TBC1D5: variants seen among roughly 807,000 people sequenced by gnomAD.
TBC1D5 encodes TBC1 domain family member 5, also known as TBC1 domain family, member 5.
Under a neutral mutation model 100.3 loss-of-function variants are expected in TBC1D5, and 75 were observed. The observed-to-expected ratio is 0.75, with a 90% CI of 0.62 to 0.91. The LOEUF (loss-of-function observed/expected upper bound fraction) is 0.91, where lower values mean the gene tolerates loss of function less well. Ranked by LOEUF, TBC1D5 falls within the 40% of genes least tolerant of loss-of-function variation. The probability of loss-of-function intolerance (pLI) is 0.00; values close to 1 mark genes in which losing one functional copy is unlikely to be tolerated. For missense variants in TBC1D5, 910 were observed against 942.4 expected (o/e 0.97, Z 0.45); for synonymous variants, 323 against 325.6 (o/e 0.99, Z 0.09).
At chr3:17,345,278 C>T (rs1370376578) in intron 13 of TBC1D5, among the ~76,000 whole-genome samples, 7 of 152,134 alleles carry the variant, frequency 4.6e-5, no homozygotes, top group South Asian at 2.1e-4. Context: ...CAGACACTTT[C>T]CAAAAGAAGA....
chr3:17,678,174 T>C (rs890629062), intron 1 of TBC1D5, among the ~76,000 whole-genome samples: 20 of 152,100 alleles, frequency 1.3e-4, no homozygotes, highest in African/African-American at 3.9e-4. Flanking sequence ...CACAAAAACA[T>C]TGATAAAAAT....
chr3:17,349,695 T>C (rs2090323373), intron 13 of TBC1D5, among the ~76,000 whole-genome samples: 2 of 152,168 alleles, frequency 1.3e-5, no homozygotes, highest in African/African-American at 4.8e-5. Context: ...AAAATTATTG[T>C]TTTGTCCTTT....
chr3:17,349,133 T>C (rs1379897785), intron 13 of TBC1D5, among the ~76,000 whole-genome samples: 4 of 152,226 alleles, frequency 2.6e-5, no homozygotes, highest in Non-Finnish European at 5.9e-5. Flanking sequence ...TGGGATTCTA[T>C]ACATACATGA....
chr3:17,330,705 G>T (rs1228349040), intron 13 of TBC1D5, among the ~76,000 whole-genome samples: 1 of 152,074 alleles, frequency 6.6e-6, no homozygotes, highest in Non-Finnish European at 1.5e-5. Flanking sequence ...CTTCAAATTA[G>T]ATATATTCCC....
intron 17 of TBC1D5, among the ~76,000 whole-genome samples, chr3:17,236,106 A>G (rs1449745877): frequency 6.6e-6 from 1 of 152,132 alleles, no homozygotes; most frequent in African/African-American, 2.4e-5. Flanking sequence ...TTCCATCTCC[A>G]TGCACTTCCT....
intron 13 of TBC1D5, among the ~76,000 whole-genome samples, chr3:17,315,995 G>C (rs1206839905): frequency 6.6e-6 from 1 of 152,144 alleles, no homozygotes; most frequent in Non-Finnish European, 1.5e-5. Context: ...GCAGAAAGTA[G>C]GGCAAAAATA....
chr3:17,692,974 A>G (rs910572723), intron 1 of TBC1D5, among the ~76,000 whole-genome samples: 1 of 152,242 alleles, frequency 6.6e-6, no homozygotes, highest in Non-Finnish European at 1.5e-5. Flanking sequence ...TACAAAAAAT[A>G]CAAACATTAC....
At chr3:17,455,046 G>A (rs1304866478) in intron 3 of TBC1D5, among the ~76,000 whole-genome samples, 3 of 150,556 alleles carry the variant, frequency 2.0e-5, no homozygotes, top group Non-Finnish European at 4.4e-5. Context: ...CAATGCATTC[G>A]CTATCAAAAT....
chr3:17,549,464 T>A (rs983359668), intron 2 of TBC1D5, among the ~76,000 whole-genome samples: 2 of 152,212 alleles, frequency 1.3e-5, no homozygotes, highest in Non-Finnish European at 2.9e-5. Context: ...GAGTCCTTGT[T>A]CATTTTAATG....
chr3:17,406,641 T>C, intron 4 of TBC1D5, 115 bp from the exon 5 acceptor site: 3 of 833,190 alleles, frequency 3.6e-6, no homozygotes, highest in East Asian at 5.3e-5. Context: ...TTTTAAAACA[T>C]ATATATTTAG....
At chr3:17,188,901 T>C (rs957951786) in intron 18 of TBC1D5, among the ~76,000 whole-genome samples, 1 of 152,268 alleles carries the variant, frequency 6.6e-6, no homozygotes, top group African/African-American at 2.4e-5. Flanking sequence ...TTAATTGTTA[T>C]GTGTAACTAA....
At chr3:17,686,926 G>C (rs2070370343) in intron 1 of TBC1D5, among the ~76,000 whole-genome samples, 1 of 151,998 alleles carries the variant, frequency 6.6e-6, no homozygotes, top group Non-Finnish European at 1.5e-5. Flanking sequence ...AGTGATGAGG[G>C]TAGGAAACCC....
intron 15 of TBC1D5, among the ~76,000 whole-genome samples, chr3:17,266,142 G>A (rs1559516772): frequency 6.6e-6 from 1 of 152,032 alleles, no homozygotes; most frequent in Admixed American, 6.6e-5. Flanking sequence ...ATTAAAGCTG[G>A]AAAAATTTGT....
chr3:17,365,528 T>G (rs988634910), intron 13 of TBC1D5, among the ~76,000 whole-genome samples: 1 of 152,200 alleles, frequency 6.6e-6, no homozygotes, highest in Admixed American at 6.5e-5. Flanking sequence ...ACAAGGAAAT[T>G]TAAGCCTTCA....
At chr3:17,593,888 C>T (rs540210780) in intron 2 of TBC1D5, among the ~76,000 whole-genome samples, 5 of 152,238 alleles carry the variant, frequency 3.3e-5, no homozygotes, top group Admixed American at 2.0e-4. Context: ...TGCTCTGAAT[C>T]GGCGTCTAAT....
chr3:17,358,175 T>G (rs1200957394), intron 13 of TBC1D5, among the ~76,000 whole-genome samples: 2 of 150,492 alleles, frequency 1.3e-5, no homozygotes, highest in Admixed American at 6.6e-5. Flanking sequence ...TCACTTTTTT[T>G]TTGTTTGTTT....
At chr3:17,314,805 C>T (rs1283656527) in intron 13 of TBC1D5, among the ~76,000 whole-genome samples, 1 of 152,200 alleles carries the variant, frequency 6.6e-6, no homozygotes, top group Non-Finnish European at 1.5e-5. Context: ...TAAAATGTTA[C>T]TCCATGAGGA....
intron 1 of TBC1D5, among the ~76,000 whole-genome samples, chr3:17,631,630 A>C (rs993815593): frequency 1.3e-5 from 2 of 152,222 alleles, no homozygotes; most frequent in African/African-American, 4.8e-5. Flanking sequence ...GTTAAGGTCT[A>C]ATGCAGCTGG....
chr3:17,297,189 G>GA (rs1164804368), intron 14 of TBC1D5, among the ~76,000 whole-genome samples: 1 of 152,220 alleles, frequency 6.6e-6, no homozygotes, highest in Non-Finnish European at 1.5e-5. Flanking sequence ...TATGAACTTT[G>GA]AAGGATATCA....
Sources: gnomAD v4.1 joint callset for allele counts (sites outside exome capture counted in the v4.1 genomes callset) on GRCh38, gnomAD v4.1.1 for gene constraint, MANE v1.5 for transcripts, NCBI Gene and HGNC (gene_info 2026-07-23, HGNC 2026-07-21) for gene names.